The following CDH23 variants were observed in gnomAD, a reference collection of about 807,000 sequenced individuals.
The protein encoded by CDH23 is cadherin related 23.
In CDH23, 189 loss-of-function variants were observed where a neutral mutation model predicts 317.1. The ratio of observed to expected loss-of-function variants is 0.60; its 90% CI spans 0.53 to 0.67. The LOEUF is 0.67. CDH23 is among the 30% of genes least tolerant of loss of function. The pLI, the probability that CDH23 is intolerant of heterozygous loss-of-function variation, is 0.00. For synonymous variants in CDH23, 1,839 were observed against 1,876.8 expected (o/e 0.98, Z 0.52); for missense variants, 4,401 against 4,592.4 (o/e 0.96, Z 1.20).
rs533181523 is a variant in CDH23 at position 71,584,482 on chromosome 10, T to C, written c.832+6490T>C. On this transcript the variant is annotated intron_variant, in intron 9 of 69. Transcript: ENST00000224721. Reference sequence around the variant, plus strand: ...AATGCTACCCAAGTGAGGAGGTACATTGAGTGCTTTAAAATATACTGAAAT... The same window carrying C: ...AATGCTACCCAAGTGAGGAGGTACACTGAGTGCTTTAAAATATACTGAAAT... 5.3e-5 allele frequency among the ~76,000 whole-genome samples: 8 copies of C among 151,862 alleles called. No individual in the cohort carries two copies. The South Asian group carries it at 1.2e-3, about 24-fold the overall frequency.
At chr10:71,570,496 C>G (rs759727549) in intron 7 of CDH23, among the ~76,000 whole-genome samples, 38 of 152,218 alleles carry the variant, frequency 2.5e-4, no homozygotes, top group Non-Finnish European at 5.1e-4. Flanking sequence ...GGAGGTCTAG[C>G]TGTACCCCAG....
chr10:71,756,640 G>A (rs1445819053), intron 38 of CDH23, among the ~76,000 whole-genome samples: 2 of 152,118 alleles, frequency 1.3e-5, no homozygotes, highest in Non-Finnish European at 2.9e-5. Context: ...TTTATTTCAG[G>A]GCATCTGCTG....
chr10:71,443,136 T>G (rs1849977934), intron 2 of CDH23, among the ~76,000 whole-genome samples: 1 of 152,178 alleles, frequency 6.6e-6, no homozygotes, highest in Non-Finnish European at 1.5e-5. Flanking sequence ...GCAGAGCCAC[T>G]GCACCTTCAG....
chr10:71,698,294 A>G (rs376969235), intron 22 of CDH23, among the ~76,000 whole-genome samples: 1 of 152,214 alleles, frequency 6.6e-6, no homozygotes, highest in Admixed American at 6.5e-5. Context: ...ATATGCATAC[A>G]TATGTATATA....
chr10:71,730,663 A>C (rs1589381169), intron 31 of CDH23, 59 bp downstream of exon 31: 2 of 1,599,166 alleles, frequency 1.3e-6, no homozygotes, highest in East Asian at 2.3e-5. Flanking sequence ...TCCCCAGCTC[A>C]CCCAGCCCCT....
chr10:71,494,215 C>T (rs1179726999), intron 3 of CDH23, among the ~76,000 whole-genome samples: 2 of 152,152 alleles, frequency 1.3e-5, no homozygotes, highest in African/African-American at 2.4e-5. Flanking sequence ...TGAGTGAGGA[C>T]TTGGCCCTAT....
At chr10:71,796,162 A>G in intron 48 of CDH23, 1 of 885,016 alleles carries the variant, frequency 1.1e-6, no homozygotes, top group Non-Finnish European at 1.4e-6. Context: ...GGAATCTCAG[A>G]TACCCCTGTA....
chr10:71,813,217 T>TG, intron 68 of CDH23, 27 bp from the exon 69 acceptor site: 8 of 1,545,520 alleles, frequency 5.2e-6, no homozygotes, highest in Non-Finnish European at 7.0e-6. Flanking sequence ...AGGGCCTTGG[T>TG]GGGGGTTAAC....
At chr10:71,732,719 C>T (rs1839432295) in intron 32 of CDH23, 1 of 1,217,148 alleles carries the variant, frequency 8.2e-7, no homozygotes, top group Admixed American at 4.0e-5. Flanking sequence ...AAGTTTATAC[C>T]TATGCAGGCT....
At chr10:71,810,421 T>C in intron 61 of CDH23, 51 bp from the exon 62 acceptor site, 2 of 1,549,688 alleles carry the variant, frequency 1.3e-6, no homozygotes, top group Non-Finnish European at 1.8e-6. Flanking sequence ...TGCCCATCCC[T>C]GTGGCCCCCT....
intron 57 of CDH23, 48 bp downstream of exon 57, chr10:71,806,329 C>G: frequency 1.5e-6 from 2 of 1,320,668 alleles, no homozygotes; most frequent in Non-Finnish European, 2.1e-6. Flanking sequence ...CAGGGACTCA[C>G]CTGCCTGCAA....
chr10:71,615,849 A>T (rs1861158599), intron 10 of CDH23, among the ~76,000 whole-genome samples: 1 of 152,216 alleles, frequency 6.6e-6, no homozygotes, highest in Non-Finnish European at 1.5e-5. Context: ...ATCAACAACC[A>T]CACGGGTTGG....
At chr10:71,690,430 G>A in intron 19 of CDH23, 38 bp from the exon 20 acceptor site, 1 of 1,493,598 alleles carries the variant, frequency 6.7e-7, no homozygotes, top group Non-Finnish European at 9.1e-7. Context: ...GGCCCAGGGT[G>A]AGCAGCACCC....
intron 6 of CDH23, among the ~76,000 whole-genome samples, chr10:71,524,549 G>A (rs1015328896): frequency 2.0e-5 from 3 of 152,144 alleles, no homozygotes; most frequent in Non-Finnish European, 4.4e-5. Flanking sequence ...GCTGGAGTGT[G>A]GTAAGCAGAG....
intron 40 of CDH23, among the ~76,000 whole-genome samples, chr10:71,778,742 A>C (rs959224569): frequency 6.6e-6 from 1 of 152,122 alleles, no homozygotes; most frequent in African/African-American, 2.4e-5. Context: ...CAACAAATAG[A>C]AGTTTATGGG....
intron 3 of CDH23, among the ~76,000 whole-genome samples, chr10:71,456,397 C>T (rs1210012318): frequency 1.3e-5 from 2 of 150,976 alleles, no homozygotes; most frequent in Non-Finnish European, 2.9e-5. Flanking sequence ...AGCATAGGCC[C>T]TCTAAGGTGA....
intron 19 of CDH23, among the ~76,000 whole-genome samples, chr10:71,690,171 G>A (rs951356291): frequency 6.6e-6 from 1 of 152,172 alleles, no homozygotes; most frequent in Non-Finnish European, 1.5e-5. Context: ...ATAGTGGCCA[G>A]CCAAGCAGGG....
intron 9 of CDH23, among the ~76,000 whole-genome samples, chr10:71,597,348 C>T (rs2083571119): frequency 6.6e-6 from 1 of 152,098 alleles, no homozygotes; most frequent in Admixed American, 6.5e-5. Context: ...TGAGCCTTTC[C>T]AAGCCCCAAG....
intron 6 of CDH23, among the ~76,000 whole-genome samples, chr10:71,530,595 A>G (rs1855317055): frequency 1.3e-5 from 2 of 152,192 alleles, no homozygotes; most frequent in Admixed American, 6.5e-5. Context: ...GAGCAGAGCT[A>G]TCACATATTT....
Sources: gnomAD v4.1 joint callset for allele counts (sites outside exome capture counted in the v4.1 genomes callset) on GRCh38, gnomAD v4.1.1 for gene constraint, MANE v1.5 for transcripts, NCBI Gene and HGNC (gene_info 2026-07-23, HGNC 2026-07-21) for gene names.